KCNIP1: variants seen among roughly 807,000 people sequenced by gnomAD.
The protein encoded by KCNIP1 is potassium voltage-gated channel interacting protein 1, also known as A-type potassium channel modulatory protein KCNIP1.
KCNIP1 carries 18 observed loss-of-function variants against 33.0 expected under a neutral mutation model. That is an observed-to-expected ratio of 0.55 (90% CI 0.38 to 0.81). KCNIP1 has a LOEUF of 0.81. Ranked by LOEUF, KCNIP1 falls within the 30% of genes least tolerant of loss-of-function variation. The probability of loss-of-function intolerance (pLI) is 0.00; values close to 1 mark genes in which losing one functional copy is unlikely to be tolerated. For missense variants in KCNIP1, 238 were observed against 271.6 expected (o/e 0.88, Z 0.87); for synonymous variants, 93 against 98.3 (o/e 0.95, Z 0.32).
At chr5:170,419,116 C>G (rs923802993) in intron 1 of KCNIP1, among the ~76,000 whole-genome samples, 1 of 152,194 alleles carries the variant, frequency 6.6e-6, no homozygotes, top group Non-Finnish European at 1.5e-5. Flanking sequence ...ACGTCGTTGT[C>G]CAGGTGAATG....
At chr5:170,658,533 C>T (rs1202026040) in intron 1 of KCNIP1, among the ~76,000 whole-genome samples, 1 of 152,198 alleles carries the variant, frequency 6.6e-6, no homozygotes, top group Non-Finnish European at 1.5e-5. Flanking sequence ...CTATAGCTCA[C>T]AGAGATCGCT....
chr5:170,722,002 C>G, intron 4 of KCNIP1, 99 bp downstream of exon 4: 1 of 1,370,748 alleles, frequency 7.3e-7, no homozygotes, highest in Non-Finnish European at 1.0e-6. Context: ...CCATCAAAAG[C>G]TCTCAGTCAG....
intron 1 of KCNIP1, among the ~76,000 whole-genome samples, chr5:170,718,496 T>C (rs1763706534): frequency 6.6e-6 from 1 of 152,178 alleles, no homozygotes; most frequent in South Asian, 2.1e-4. Flanking sequence ...TCATATGGAT[T>C]TATTTTGAGC....
At chr5:170,533,288 C>A (rs1215779106) in intron 1 of KCNIP1, among the ~76,000 whole-genome samples, 2 of 152,186 alleles carry the variant, frequency 1.3e-5, no homozygotes, top group African/African-American at 4.8e-5. Context: ...CCTCTATATT[C>A]CCCGCCTGGG....
intron 1 of KCNIP1, chr5:170,375,396 G>A (rs1354382467): frequency 1.3e-5 from 2 of 152,262 alleles, no homozygotes; most frequent in Admixed American, 6.5e-5. Flanking sequence ...ATACCTCTGG[G>A]CTCCCTGGCT....
At chr5:170,474,799 C>T (rs1756815117) in intron 1 of KCNIP1, among the ~76,000 whole-genome samples, 1 of 152,302 alleles carries the variant, frequency 6.6e-6, no homozygotes. Context: ...CAGACCTTCA[C>T]GGGGAGTGTG....
intron 1 of KCNIP1, among the ~76,000 whole-genome samples, chr5:170,698,082 C>A (rs1762959749): frequency 6.6e-6 from 1 of 152,154 alleles, no homozygotes; most frequent in Non-Finnish European, 1.5e-5. Flanking sequence ...GATGCTGCCT[C>A]AGAAGACCCA....
intron 1 of KCNIP1, among the ~76,000 whole-genome samples, chr5:170,667,039 C>T (rs1270234418): frequency 6.6e-6 from 1 of 152,204 alleles, no homozygotes; most frequent in Non-Finnish European, 1.5e-5. Flanking sequence ...GTCGGCTGGG[C>T]GTGGTGGCTC....
chr5:170,409,351 T>C (rs1755119154), intron 1 of KCNIP1, among the ~76,000 whole-genome samples: 2 of 152,080 alleles, frequency 1.3e-5, no homozygotes, highest in Non-Finnish European at 2.9e-5. Flanking sequence ...CTCAAAAAGT[T>C]GCCCTCAGGG....
intron 1 of KCNIP1, among the ~76,000 whole-genome samples, chr5:170,555,753 C>T (rs1342743659): frequency 6.6e-6 from 1 of 152,184 alleles, no homozygotes; most frequent in African/African-American, 2.4e-5. Context: ...ACAGAGTCTT[C>T]ATGAAATGAA....
chr5:170,717,496 T>C (rs1450806064), intron 1 of KCNIP1, among the ~76,000 whole-genome samples: 1 of 152,186 alleles, frequency 6.6e-6, no homozygotes, highest in Non-Finnish European at 1.5e-5. Flanking sequence ...ATGAGAAAGA[T>C]GGCAATTAGG....
chr5:170,529,424 C>A (rs1755704317), intron 1 of KCNIP1, among the ~76,000 whole-genome samples: 1 of 152,166 alleles, frequency 6.6e-6, no homozygotes, highest in African/African-American at 2.4e-5. Flanking sequence ...GAGTGTTCTG[C>A]CTTAACAACC....
intron 1 of KCNIP1, among the ~76,000 whole-genome samples, chr5:170,677,251 A>C (rs944314699): frequency 6.6e-6 from 1 of 152,216 alleles, no homozygotes; most frequent in African/African-American, 2.4e-5. Context: ...GAAGTTAAGT[A>C]ACTCATCATA....
chr5:170,363,232 T>C (rs1225690974), intron 1 of KCNIP1, among the ~76,000 whole-genome samples: 1 of 152,250 alleles, frequency 6.6e-6, no homozygotes, highest in African/African-American at 2.4e-5. Context: ...CAAACACTAA[T>C]GTTCCTTTGA....
At chr5:170,645,694 G>A (rs756289110) in intron 1 of KCNIP1, among the ~76,000 whole-genome samples, 7 of 152,122 alleles carry the variant, frequency 4.6e-5, no homozygotes, top group Non-Finnish European at 8.8e-5. Flanking sequence ...CACATGGGAC[G>A]TTCACCAAGA....
intron 1 of KCNIP1, among the ~76,000 whole-genome samples, chr5:170,621,426 T>C (rs1759597385): frequency 1.3e-5 from 2 of 152,142 alleles, no homozygotes; most frequent in South Asian, 4.2e-4. Flanking sequence ...CCACAGAGTG[T>C]GGTGTGGGGG....
intron 1 of KCNIP1, among the ~76,000 whole-genome samples, chr5:170,693,200 G>A (rs1214826429): frequency 1.3e-5 from 2 of 152,028 alleles, no homozygotes; most frequent in African/African-American, 4.8e-5. Flanking sequence ...CCTCCCGCTG[G>A]TCAGTGTTCT....
chr5:170,730,202 C>T (rs1764147468), intron 5 of KCNIP1, among the ~76,000 whole-genome samples: 1 of 151,938 alleles, frequency 6.6e-6, no homozygotes, highest in African/African-American at 2.4e-5. Flanking sequence ...CAAATACTAC[C>T]TTGCAAAACA....
intron 1 of KCNIP1, among the ~76,000 whole-genome samples, chr5:170,688,779 C>G (rs772412931): frequency 6.6e-6 from 1 of 152,160 alleles, no homozygotes; most frequent in Non-Finnish European, 1.5e-5. Flanking sequence ...TCCATGGGAA[C>G]AAAGATCTAA....
Sources: gnomAD v4.1 joint callset for allele counts (sites outside exome capture counted in the v4.1 genomes callset) on GRCh38, gnomAD v4.1.1 for gene constraint, MANE v1.5 for transcripts, NCBI Gene and HGNC (gene_info 2026-07-23, HGNC 2026-07-21) for gene names.